Variants in SYNE2 observed in about 807,000 individuals in gnomAD.
SYNE2 encodes the protein spectrin repeat containing nuclear envelope protein 2, also known as nesprin-2.
In SYNE2, 431 loss-of-function variants were observed where a neutral mutation model predicts 856.3. The ratio of observed to expected loss-of-function variants is 0.50; its 90% CI spans 0.47 to 0.55. SYNE2 has a LOEUF of 0.55. Among genes scored for constraint, SYNE2 ranks in the 20% least tolerant of loss-of-function variants. SYNE2 has a pLI of 0.00. For missense variants in SYNE2, 8,129 were observed against 8,023.2 expected, an observed-to-expected ratio of 1.01 and a Z score of -0.50; for synonymous variants, 2,923 against 2,872.3, an observed-to-expected ratio of 1.02 and a Z score of -0.56.
intron 61 of SYNE2, among the ~76,000 whole-genome samples, chr14:64,094,600 C>T (rs572147917): frequency 1.3e-5 from 2 of 152,136 alleles, no homozygotes; most frequent in South Asian, 2.1e-4. Flanking sequence ...AGCTGTGAGA[C>T]CTGGGGCAAG....
intron 1 of SYNE2, among the ~76,000 whole-genome samples, chr14:63,875,872 C>T (rs533003733): frequency 6.6e-6 from 1 of 152,286 alleles, no homozygotes; most frequent in African/African-American, 2.4e-5. Context: ...TGCTCTTGCC[C>T]TCTGCAGTTC....
At chr14:63,815,114 CCATATATATCCA>C (rs1888879318) in intron 1 of SYNE2, among the ~76,000 whole-genome samples, 1 of 91,672 alleles carries the variant, frequency 1.1e-5, no homozygotes, top group Non-Finnish European at 2.3e-5. Context: ...ACACATATAT[CCATATATATCCA>C]CATATATATC....
chr14:63,998,210 T>C lies in SYNE2; in HGVS notation c.3244-9T>C, dbSNP rs1355067578. The C allele has an allele frequency of 1.3e-6, 2 of 1,593,584 alleles. No homozygotes were observed. Among genetic ancestry groups the C allele is most frequent in the Non-Finnish European group, 1.7e-6 (2 of 1,161,186 alleles). On this transcript the variant is annotated splice_polypyrimidine_tract_variant and intron_variant, in intron 25 of 115. Coordinates refer to ENST00000555002, the MANE Select transcript of SYNE2 (RefSeq NM_182914.3). ...GATATTTCGTTTACTATTTTGCATA[T>C]TCCCTTAGGCAATGGAACCCACTAT... is the stretch of plus-strand genomic sequence containing the variant.
At position 64,052,394 on chromosome 14, in the gene SYNE2, G is replaced by A. The variant is rs780453645; in HGVS notation, c.8481G>A (p.Gln2827=). The part of the protein sequence containing the change: ...MLVLKSTQRS[Q]QLEFKLEERS... ...TTTTAAAATCAACTCAAAGATCACA[G>A]CAATTAGAATTTAAGTTGGAAGAAA... Residue 2827 remains glutamine (Q), a synonymous_variant, in exon 48 of 116, where the codon CAG becomes CAA. Coordinates refer to ENST00000555002, the MANE Select transcript of SYNE2 (RefSeq NM_182914.3). The A allele has an allele frequency of 8.1e-6, 13 of 1,613,730 alleles. No individual in the cohort carries two copies. Among genetic ancestry groups the A allele is most frequent in the Non-Finnish European group, 1.1e-5 (13 of 1,179,962 alleles).
intron 65 of SYNE2, 142 bp downstream of exon 65, chr14:64,107,749 C>T (rs2097780753): frequency 1.3e-6 from 1 of 773,626 alleles, no homozygotes; most frequent in Admixed American, 1.9e-5. Flanking sequence ...TATGTGCTGT[C>T]AAGCTGTAGA....
At chr14:63,845,743 C>CT (rs762078790) in intron 1 of SYNE2, among the ~76,000 whole-genome samples, 2,256 of 135,484 alleles carry the variant, frequency 0.017, 30 homozygotes, top group South Asian at 0.035. Flanking sequence ...TTTTTCTTTT[C>CT]TTTTTTTTTT....
chr14:63,891,584 C>A (rs2095133190), intron 1 of SYNE2, among the ~76,000 whole-genome samples: 1 of 151,914 alleles, frequency 6.6e-6, no homozygotes, highest in African/African-American at 2.4e-5. Context: ...TTAGAGCTTG[C>A]TTGCTGTTCT....
chr14:63,823,622 C>T (rs950872252), intron 1 of SYNE2, among the ~76,000 whole-genome samples: 6 of 120,292 alleles, frequency 5.0e-5, no homozygotes, highest in African/African-American at 1.3e-4. Context: ...ATGGAAGGAA[C>T]ATTTTTTTTT....
At chr14:64,094,484 G>T (rs188781548) in intron 61 of SYNE2, among the ~76,000 whole-genome samples, 2 of 152,102 alleles carry the variant, frequency 1.3e-5, no homozygotes, top group Admixed American at 6.5e-5. Context: ...ACAAAAAAAC[G>T]TGATTGTATG....
chr14:64,030,955 A>G (rs151138362), intron 44 of SYNE2, 61 bp from the exon 45 acceptor site: 490 of 1,277,830 alleles, frequency 3.8e-4, no homozygotes, highest in Non-Finnish European at 5.0e-4. Context: ...GTGATTTACA[A>G]AAGTCAATTA....
chr14:64,037,933 C>T (rs1423440080), intron 45 of SYNE2, among the ~76,000 whole-genome samples: 14 of 151,364 alleles, frequency 9.2e-5, no homozygotes, highest in Admixed American at 2.6e-4. Context: ...GCTGGCCGGG[C>T]GGGGGGCTGA....
intron 65 of SYNE2, among the ~76,000 whole-genome samples, chr14:64,112,662 A>C (rs1266565088): frequency 6.6e-6 from 1 of 152,212 alleles, no homozygotes; most frequent in Non-Finnish European, 1.5e-5. Context: ...TAACTCAATC[A>C]TATTCGAGTA....
chr14:64,052,063 A>C lies in SYNE2; in HGVS notation c.8150A>C (p.Glu2717Ala). ...NNLKKQWETL[E>A]PLHLEAENQI... ...TTGAAGAAACAATGGGAAACATTGG[A>C]GCCATTACACTTAGAAGCAGAAAAT... The change falls in exon 48 of 116, where the codon GAG becomes GCG. Residue 2717 changes from glutamate (E) to alanine (A), a missense_variant. By Grantham distance (107) the Glu-to-Ala change is moderately radical. Around this residue, in one of 3 missense-constraint regions of SYNE2, gnomAD observed 5,410 missense variants for 5,284.8 expected, o/e 1.02. Transcript: ENST00000555002. The C allele has an allele frequency of 1.9e-6, 3 of 1,614,194 alleles. No individual in the cohort carries two copies. Among genetic ancestry groups the C allele is most frequent in the Non-Finnish European group, 2.5e-6 (3 of 1,180,028 alleles).
chr14:63,987,039 GT>G (rs1187434954), intron 19 of SYNE2, among the ~76,000 whole-genome samples: 1 of 152,096 alleles, frequency 6.6e-6, no homozygotes, highest in African/African-American at 2.4e-5. Context: ...GGATCACAAG[GT>G]CAAGAGATAG....
At chr14:64,215,570 C>CG in intron 107 of SYNE2, 2 of 625,008 alleles carry the variant, frequency 3.2e-6, no homozygotes. Flanking sequence ...TGCCAACCCC[C>CG]TCTCCTCCCT....
intron 112 of SYNE2, 76 bp from the exon 113 acceptor site, chr14:64,223,113 C>A: frequency 6.5e-7 from 1 of 1,534,148 alleles, no homozygotes; most frequent in Non-Finnish European, 9.0e-7. Flanking sequence ...TTTTCTGGTA[C>A]TGAGAAAAAC....
intron 64 of SYNE2, among the ~76,000 whole-genome samples, chr14:64,105,746 T>C (rs2097766901): frequency 6.6e-6 from 1 of 151,468 alleles, no homozygotes; most frequent in Non-Finnish European, 1.5e-5. Flanking sequence ...TGACACACAT[T>C]TTCAAACTGC....
intron 1 of SYNE2, among the ~76,000 whole-genome samples, chr14:63,903,030 C>G (rs2095359615): frequency 6.6e-6 from 1 of 152,112 alleles, no homozygotes; most frequent in Non-Finnish European, 1.5e-5. Context: ...CTTCTGAATT[C>G]AAATCCTGAG....
In SYNE2 at chr14:64,100,523, AAAAAAAAAATATAT is replaced by A. The variant is rs1382641738; in HGVS notation, c.12382-1407_12382-1394del. Among the ~76,000 whole-genome samples the A allele has an allele frequency of 0.01, 733 of 70,958 alleles. 59 individuals are homozygous for A. In the East Asian group the frequency reaches 0.11, roughly 11 times the overall value. 46.6% of individuals were successfully genotyped at this position (70,958 alleles called of 152,430 possible). On this transcript the variant is annotated intron_variant, in intron 63 of 115. Coordinates refer to ENST00000555002, the MANE Select transcript of SYNE2 (RefSeq NM_182914.3). ...AAGAGCAAAACTGTCTCAAAAAAAAAAAAAAAAAATATATATATATATATATATATATATATATA... is the reference window on the plus strand; with the variant it reads ...AAGAGCAAAACTGTCTCAAAAAAAAAATATATATATATATATATATATATA...
Sources: gnomAD v4.1 joint callset for allele counts (sites outside exome capture counted in the v4.1 genomes callset) on GRCh38, gnomAD v4.1.1 for gene constraint, gnomAD v4.1.1 regional missense constraint, MANE v1.5 for transcripts, NCBI Gene and HGNC (gene_info 2026-07-23, HGNC 2026-07-21) for gene names.